Variants in PCDH15 observed in about 807,000 individuals in gnomAD.
The protein encoded by PCDH15 is protocadherin-15.
PCDH15 carries 129 observed loss-of-function variants against 178.5 expected under a neutral mutation model. The ratio of observed to expected loss-of-function variants is 0.72; its 90% CI spans 0.63 to 0.84. PCDH15 has a LOEUF of 0.84. Ranked by LOEUF, PCDH15 falls within the 40% of genes least tolerant of loss-of-function variation. The probability of loss-of-function intolerance (pLI) is 0.00; values close to 1 mark genes in which losing one functional copy is unlikely to be tolerated. For synonymous variants in PCDH15, 800 were observed against 732.0 expected, an observed-to-expected ratio of 1.09 and a Z score of -1.50; for missense variants, 2,230 against 2,099.9, an observed-to-expected ratio of 1.06 and a Z score of -1.21.
chr10:54,659,668 C>A (rs1323050458), intron 2 of PCDH15, among the ~76,000 whole-genome samples: 2 of 151,348 alleles, frequency 1.3e-5, no homozygotes, highest in East Asian at 1.9e-4. Context: ...GCAGGAAAAT[C>A]GCTTGAATCT....
intron 2 of PCDH15, among the ~76,000 whole-genome samples, chr10:55,480,530 T>C (rs972376153): frequency 6.6e-6 from 1 of 151,746 alleles, no homozygotes; most frequent in Non-Finnish European, 1.5e-5. Context: ...TTAGAGTTTT[T>C]TTTATCATGA....
intron 28 of PCDH15, among the ~76,000 whole-genome samples, chr10:53,854,968 T>C (rs2078626876): frequency 6.6e-6 from 1 of 152,042 alleles, no homozygotes; most frequent in South Asian, 2.1e-4. Context: ...TATCATCCTA[T>C]CTACTTAAGA....
At chr10:54,172,305 C>A (rs974552844) in intron 13 of PCDH15, among the ~76,000 whole-genome samples, 2 of 152,030 alleles carry the variant, frequency 1.3e-5, no homozygotes, top group East Asian at 3.9e-4. Flanking sequence ...CACCTTGCGA[C>A]CCCCGACTCC....
rs183609154 is a variant in PCDH15, at chr10:54,673,564, G to A, written c.-28-9274C>T. The stretch of plus-strand genomic sequence containing the variant: ...AGCGATTTTCCTGCCTCAGCCTCCC[G>A]AGTAGCTGGGATTATAGGCATGTGC... On this transcript the variant is annotated intron_variant, in intron 1 of 37. Transcript: ENST00000644397. Among the ~76,000 whole-genome samples, 466 of 151,936 alleles carry A rather than the reference G, an allele frequency of 3.1e-3. 3 individuals carry two copies. Among genetic ancestry groups the A allele is most frequent in the South Asian group, 6.2e-3 (30 of 4,814 alleles).
intron 3 of PCDH15, among the ~76,000 whole-genome samples, chr10:54,464,114 A>G (rs956856879): frequency 6.6e-6 from 1 of 152,114 alleles, no homozygotes; most frequent in African/African-American, 2.4e-5. Flanking sequence ...GCTCTGTTGC[A>G]CTGGAATCAG....
intron 1 of PCDH15, among the ~76,000 whole-genome samples, chr10:54,700,089 G>T (rs2095288616): frequency 6.6e-6 from 1 of 152,066 alleles, no homozygotes; most frequent in Non-Finnish European, 1.5e-5. Context: ...CTGCAAGCAG[G>T]CCTGGAGTAC....
chr10:54,110,452 G>A (rs994402064), intron 15 of PCDH15, among the ~76,000 whole-genome samples: 1 of 151,974 alleles, frequency 6.6e-6, no homozygotes, highest in African/African-American at 2.4e-5. Flanking sequence ...CCTGCTATTT[G>A]GGGCATTACA....
chr10:54,305,699 T>C (rs770567614), intron 8 of PCDH15, among the ~76,000 whole-genome samples: 24 of 152,004 alleles, frequency 1.6e-4, no homozygotes, highest in Non-Finnish European at 3.4e-4. Flanking sequence ...AGTCATGAAT[T>C]ATCTAATTCT....
intron 28 of PCDH15, among the ~76,000 whole-genome samples, chr10:53,853,414 C>T (rs1481962050): frequency 6.6e-6 from 1 of 151,190 alleles, no homozygotes; most frequent in East Asian, 1.9e-4. Flanking sequence ...CAAAAATAGA[C>T]AGATGGACTA....
chr10:54,106,105 T>A (rs1035764019), intron 15 of PCDH15, among the ~76,000 whole-genome samples: 7 of 152,162 alleles, frequency 4.6e-5, no homozygotes, highest in Non-Finnish European at 8.8e-5. Flanking sequence ...GAAAGCAGAC[T>A]GGTAGTTGCC....
chr10:55,006,511 T>C (rs1334977132), intron 2 of PCDH15, among the ~76,000 whole-genome samples: 4 of 152,208 alleles, frequency 2.6e-5, no homozygotes, highest in Non-Finnish European at 5.9e-5. Context: ...AACATTGCAT[T>C]AAGAGTCAAG....
At chr10:53,852,755 A>T (rs1221400276) in intron 28 of PCDH15, among the ~76,000 whole-genome samples, 1 of 134,136 alleles carries the variant, frequency 7.5e-6, no homozygotes, top group East Asian at 2.0e-4. Context: ...TTGGTCTACC[A>T]AAAAAAAAAA....
intron 3 of PCDH15, among the ~76,000 whole-genome samples, chr10:54,875,105 C>T (rs1008532637): frequency 4.6e-5 from 7 of 152,090 alleles, no homozygotes; most frequent in South Asian, 2.1e-4. Flanking sequence ...TGCTATTTTT[C>T]GAACAGCACG....
chr10:55,024,624 C>T (rs1048977224), intron 2 of PCDH15, among the ~76,000 whole-genome samples: 7 of 151,958 alleles, frequency 4.6e-5, no homozygotes, highest in Non-Finnish European at 2.9e-5. Flanking sequence ...TGCTTTCTTC[C>T]TCTATGTACC....
chr10:54,074,988 CAT>C (rs943777056), intron 17 of PCDH15, among the ~76,000 whole-genome samples: 2 of 152,044 alleles, frequency 1.3e-5, no homozygotes, highest in Non-Finnish European at 2.9e-5. Context: ...AGTGTTTTTT[CAT>C]ATGTTTACTG....
At chr10:55,032,664 A>G (rs1456605500) in intron 2 of PCDH15, among the ~76,000 whole-genome samples, 1 of 152,196 alleles carries the variant, frequency 6.6e-6, no homozygotes, top group African/African-American at 2.4e-5. Context: ...GAGAAAACCA[A>G]GGGATGGGTC....
intron 2 of PCDH15, among the ~76,000 whole-genome samples, chr10:55,033,208 G>A (rs1186203138): frequency 6.6e-6 from 1 of 152,128 alleles, no homozygotes; most frequent in African/African-American, 2.4e-5. Flanking sequence ...GCAGGAGGGG[G>A]CAGGGGGACA....
chr10:55,561,532 A>G (rs934470260), intron 2 of PCDH15, among the ~76,000 whole-genome samples: 1 of 151,926 alleles, frequency 6.6e-6, no homozygotes, highest in Non-Finnish European at 1.5e-5. Flanking sequence ...AAAGAGTACA[A>G]TTCCAAAATA....
At chr10:54,166,959 T>G (rs1257859115) in intron 13 of PCDH15, among the ~76,000 whole-genome samples, 1 of 152,128 alleles carries the variant, frequency 6.6e-6, no homozygotes, top group Non-Finnish European at 1.5e-5. Flanking sequence ...CAAACCCCCT[T>G]TGACTGTAAT....
Sources: gnomAD v4.1 joint callset for allele counts (sites outside exome capture counted in the v4.1 genomes callset) on GRCh38, gnomAD v4.1.1 for gene constraint, MANE v1.5 for transcripts, NCBI Gene and HGNC (gene_info 2026-07-23, HGNC 2026-07-21) for gene names.